The following PTPRN2 variants were observed in gnomAD, a reference collection of about 807,000 sequenced individuals.
PTPRN2 encodes receptor-type tyrosine-protein phosphatase N2.
PTPRN2 carries 74 observed loss-of-function variants against 118.8 expected under a neutral mutation model. That is an observed-to-expected ratio of 0.62 (90% CI 0.52 to 0.76). The LOEUF (loss-of-function observed/expected upper bound fraction) is 0.76, where lower values mean the gene tolerates loss of function less well. Ranked by LOEUF, PTPRN2 falls within the 30% of genes least tolerant of loss-of-function variation. The pLI is 0.00. For missense variants in PTPRN2, 1,481 were observed against 1,394.4 expected, an observed-to-expected ratio of 1.06 and a Z score of -0.99; for synonymous variants, 641 against 608.0, an observed-to-expected ratio of 1.05 and a Z score of -0.80.
chr7:158,140,689 A>G (rs1281674599), intron 6 of PTPRN2, among the ~76,000 whole-genome samples: 1 of 152,256 alleles, frequency 6.6e-6, no homozygotes, highest in Admixed American at 6.5e-5. Flanking sequence ...GGGCTGGGGC[A>G]GGAGGAAGCG....
intron 15 of PTPRN2, among the ~76,000 whole-genome samples, chr7:157,608,593 T>C (rs1802143527): frequency 1.3e-5 from 2 of 152,204 alleles, no homozygotes; most frequent in Admixed American, 1.3e-4. Context: ...AATAGGATGA[T>C]GCCATCCAGT....
intron 12 of PTPRN2, among the ~76,000 whole-genome samples, chr7:157,804,442 T>G (rs1281977474): frequency 6.6e-6 from 1 of 152,222 alleles, no homozygotes; most frequent in Non-Finnish European, 1.5e-5. Context: ...CCAGTGTCTG[T>G]GCACGGAGCT....
intron 2 of PTPRN2, among the ~76,000 whole-genome samples, chr7:158,483,925 G>GTCAC (rs1820813928): frequency 6.6e-6 from 1 of 152,036 alleles, no homozygotes; most frequent in African/African-American, 2.4e-5. Flanking sequence ...ACCACTTGAG[G>GTCAC]TCACGAGTTC....
chr7:158,233,489 A>C (rs1829304142), intron 3 of PTPRN2, among the ~76,000 whole-genome samples: 1 of 152,206 alleles, frequency 6.6e-6, no homozygotes, highest in Non-Finnish European at 1.5e-5. Flanking sequence ...TGTCGATACT[A>C]CCCAAAGCAA....
chr7:158,160,434 G>A (rs575035552), intron 6 of PTPRN2, among the ~76,000 whole-genome samples: 1 of 152,280 alleles, frequency 6.6e-6, no homozygotes, highest in African/African-American at 2.4e-5. Flanking sequence ...TTGGACTCCA[G>A]GACTCACACC....
intron 6 of PTPRN2, among the ~76,000 whole-genome samples, chr7:158,144,413 G>A (rs867313080): frequency 2.0e-5 from 3 of 152,292 alleles, no homozygotes; most frequent in Middle Eastern, 3.4e-3. Context: ...CAAGGTGGGC[G>A]GATTTCTTGA....
At chr7:157,562,834 C>T (rs1388390617) in intron 21 of PTPRN2, among the ~76,000 whole-genome samples, 1 of 148,214 alleles carries the variant, frequency 6.7e-6, no homozygotes, top group Non-Finnish European at 1.5e-5. Flanking sequence ...TCCACGTCAC[C>T]ACACGCAGCA....
rs577329215 is a variant in PTPRN2, at chr7:157,984,940, C to G, written c.1724-86203G>C. ...GTGTAGAGGCCTCCTGGCTTCCCCA[C>G]CCCGTGCTGCTCCCCACCCGGTGCT... is the stretch of plus-strand genomic sequence containing the variant. On this transcript the variant is annotated intron_variant, in intron 11 of 22. Coordinates refer to ENST00000389418, the MANE Select transcript of PTPRN2 (RefSeq NM_002847.5). 2.6e-5 allele frequency among the ~76,000 whole-genome samples: 4 copies of G among 152,338 alleles called. No homozygotes were observed. The East Asian group carries it at 7.7e-4, about 29-fold the overall frequency.
intron 12 of PTPRN2, among the ~76,000 whole-genome samples, chr7:157,707,073 T>C (rs919193614): frequency 6.6e-6 from 1 of 152,202 alleles, no homozygotes; most frequent in Non-Finnish European, 1.5e-5. Context: ...ACAGAAAACT[T>C]AATAGTAAAA....
intron 2 of PTPRN2, among the ~76,000 whole-genome samples, chr7:158,448,011 C>T (rs1352792762): frequency 1.3e-5 from 2 of 152,248 alleles, no homozygotes; most frequent in East Asian, 1.9e-4. Flanking sequence ...AGGCCAGGTG[C>T]CGACTCAGCA....
intron 2 of PTPRN2, among the ~76,000 whole-genome samples, chr7:158,425,812 C>T (rs1815697590): frequency 8.6e-6 from 1 of 115,656 alleles, no homozygotes; most frequent in Non-Finnish European, 1.8e-5. Context: ...GGGAAAGACG[C>T]GGGGTCCGAG....
intron 15 of PTPRN2, among the ~76,000 whole-genome samples, chr7:157,606,731 C>T (rs139294087): frequency 7.9e-5 from 12 of 152,322 alleles, no homozygotes; most frequent in African/African-American, 1.9e-4. Context: ...TGAAGCTGCA[C>T]GGACTCTGCT....
intron 2 of PTPRN2, among the ~76,000 whole-genome samples, chr7:158,402,751 G>C (rs1053270723): frequency 6.6e-6 from 1 of 152,192 alleles, no homozygotes; most frequent in Non-Finnish European, 1.5e-5. Flanking sequence ...GGATCCAAGG[G>C]CCATGGCCAG....
In PTPRN2 at chr7:158,093,494, T is replaced by C. The variant is rs910778141; in HGVS notation, c.1644-12117A>G. Among the ~76,000 whole-genome samples the C allele has an allele frequency of 2.0e-5, 3 of 152,240 alleles. No homozygotes were observed. The highest frequency in any genetic ancestry group is 4.4e-5 in the Non-Finnish European group (3 of 68,038). On this transcript the variant is annotated intron_variant, in intron 10 of 22. Transcript: ENST00000389418. The surrounding 1 kb of genome is among the most constrained non-coding windows in gnomAD (Gnocchi z 4.4). ...TTGCCTCCTCCAGTCTTGTTCCTTG[T>C]TCACTGGCGTCCCTCACTCTAGGCA...
chr7:158,486,795 T>A, intron 2 of PTPRN2, among the ~76,000 whole-genome samples: 1 of 152,218 alleles, frequency 6.6e-6, no homozygotes, highest in East Asian at 1.9e-4. Context: ...CATTAAAATT[T>A]ACCATCTTAG....
At chr7:157,620,261 G>A (rs1803072719) in intron 15 of PTPRN2, among the ~76,000 whole-genome samples, 1 of 152,186 alleles carries the variant, frequency 6.6e-6, no homozygotes, top group African/African-American at 2.4e-5. Context: ...TAGAGGATGA[G>A]TGAGGTGGAC....
intron 11 of PTPRN2, among the ~76,000 whole-genome samples, chr7:157,966,641 A>C (rs748912533): frequency 6.6e-5 from 10 of 151,718 alleles, no homozygotes; most frequent in Admixed American, 3.3e-4. Flanking sequence ...CATTATCTTC[A>C]TTATCACCAT....
intron 12 of PTPRN2, among the ~76,000 whole-genome samples, chr7:157,734,650 ACT>A (rs1346036592): frequency 1.3e-5 from 2 of 152,110 alleles, no homozygotes; most frequent in Non-Finnish European, 2.9e-5. Flanking sequence ...TCTATTCTTA[ACT>A]CTGCTCCCAT....
At chr7:158,113,201 C>T (rs954397284) in intron 9 of PTPRN2, among the ~76,000 whole-genome samples, 1 of 152,054 alleles carries the variant, frequency 6.6e-6, no homozygotes, top group Non-Finnish European at 1.5e-5. Flanking sequence ...GAGCTGAGGC[C>T]GAGCTTAGCG....
Sources: gnomAD v4.1 joint callset for allele counts (sites outside exome capture counted in the v4.1 genomes callset) on GRCh38, gnomAD v4.1.1 for gene constraint, Gnocchi (gnomAD v3.1) non-coding constraint, MANE v1.5 for transcripts, NCBI Gene and HGNC (gene_info 2026-07-23, HGNC 2026-07-21) for gene names.